The following SORCS3 variants were observed in gnomAD, a reference collection of about 807,000 sequenced individuals.
The protein encoded by SORCS3 is VPS10 domain-containing receptor SorCS3.
SORCS3 carries 57 observed loss-of-function variants against 146.3 expected under a neutral mutation model. That is an observed-to-expected ratio of 0.39 (90% CI 0.31 to 0.49). The LOEUF is 0.49. Ranked by LOEUF, SORCS3 falls within the 20% of genes least tolerant of loss-of-function variation. The pLI is 0.92. For synonymous variants in SORCS3, 653 were observed against 618.5 expected (o/e 1.06, Z -0.83); for missense variants, 1,341 against 1,575.5 (o/e 0.85, Z 2.52).
intron 20 of SORCS3, among the ~76,000 whole-genome samples, chr10:105,237,117 G>A (rs2056797053): frequency 6.6e-6 from 1 of 152,086 alleles, no homozygotes; most frequent in African/African-American, 2.4e-5. Flanking sequence ...AAATACCCAG[G>A]TCCCAAAGGT....
At chr10:104,790,695 T>G (rs17117661) in intron 1 of SORCS3, among the ~76,000 whole-genome samples, 1,898 of 152,324 alleles carry the variant, frequency 0.012, 39 homozygotes, top group African/African-American at 0.043. Flanking sequence ...AGATTGTGAG[T>G]TGGTGATTGA....
At chr10:104,776,683 G>T (rs2017311748) in intron 1 of SORCS3, among the ~76,000 whole-genome samples, 6 of 151,642 alleles carry the variant, frequency 4.0e-5, no homozygotes, top group Admixed American at 6.6e-5. Flanking sequence ...CAGACATACT[G>T]CATGGCCCCC....
chr10:104,993,600 G>A (rs1217807119), intron 4 of SORCS3, among the ~76,000 whole-genome samples: 1 of 151,216 alleles, frequency 6.6e-6, no homozygotes, highest in Non-Finnish European at 1.5e-5. Flanking sequence ...CTGAAAGGTG[G>A]CTGGGAAATT....
chr10:105,090,866 C>T (rs1307132973), intron 6 of SORCS3, among the ~76,000 whole-genome samples: 5 of 152,164 alleles, frequency 3.3e-5, no homozygotes, highest in Non-Finnish European at 5.9e-5. Context: ...TTTGACCTGG[C>T]TGTTGGCATT....
At chr10:104,738,858 A>G (rs1052202675) in intron 1 of SORCS3, among the ~76,000 whole-genome samples, 1 of 152,206 alleles carries the variant, frequency 6.6e-6, no homozygotes, top group African/African-American at 2.4e-5. Flanking sequence ...GACAATATAC[A>G]GATTCCCTGC....
intron 1 of SORCS3, among the ~76,000 whole-genome samples, chr10:104,803,925 C>A (rs2017652943): frequency 6.6e-6 from 1 of 152,156 alleles, no homozygotes. Context: ...CTACTAAAGG[C>A]TGTTTCAAGC....
intron 3 of SORCS3, among the ~76,000 whole-genome samples, chr10:104,935,741 G>T (rs1227202919): frequency 6.6e-6 from 1 of 151,864 alleles, no homozygotes; most frequent in African/African-American, 2.4e-5. Context: ...AGGACTAATG[G>T]TGGGGTGGGT....
chr10:104,925,508 C>T (rs949033421), intron 3 of SORCS3, among the ~76,000 whole-genome samples: 8 of 152,204 alleles, frequency 5.3e-5, no homozygotes, highest in Non-Finnish European at 8.8e-5. Flanking sequence ...GGGCATTGCC[C>T]TGATAGTGTG....
At chr10:105,090,738 C>G (rs926259710) in intron 6 of SORCS3, among the ~76,000 whole-genome samples, 1 of 152,100 alleles carries the variant, frequency 6.6e-6, no homozygotes, top group Non-Finnish European at 1.5e-5. Context: ...GTAACTCCCT[C>G]TGTGACCTGA....
chr10:105,016,249 T>G (rs2055167040), intron 4 of SORCS3, among the ~76,000 whole-genome samples: 1 of 148,400 alleles, frequency 6.7e-6, no homozygotes, highest in Non-Finnish European at 1.5e-5. Flanking sequence ...CCTTCCAGGT[T>G]AAAGCAATTC....
chr10:104,751,438 G>T (rs1191034958), intron 1 of SORCS3, among the ~76,000 whole-genome samples: 1 of 152,202 alleles, frequency 6.6e-6, no homozygotes, highest in Non-Finnish European at 1.5e-5. Flanking sequence ...AGATGGGCCA[G>T]CCTGAAGTCA....
chr10:104,900,854 A>G lies in SORCS3; in HGVS notation c.696-14979A>G, dbSNP rs180743343. ...GGTTGCAGTGAGCTGAGATGGTGCC[A>G]CTGTACTCCAGTGTGGGCGACAGAG... On this transcript the variant is annotated intron_variant, in intron 2 of 26. Transcript: ENST00000369701. Among the ~76,000 whole-genome samples the G allele has an allele frequency of 5.0e-3, 611 of 122,336 alleles. 1 individual carries two copies. Among genetic ancestry groups the G allele is most frequent in the South Asian group, 0.022 (82 of 3,702 alleles). The allele number at this position is 122,336 out of a possible 152,430, so 80.3% of individuals were successfully genotyped here. A position where few individuals can be genotyped will look rare whatever the true frequency, so the allele number is the denominator to read the frequency against.
chr10:104,995,366 G>T (rs1218465098), intron 4 of SORCS3, among the ~76,000 whole-genome samples: 1 of 151,898 alleles, frequency 6.6e-6, no homozygotes, highest in African/African-American at 2.4e-5. Context: ...CACCATGTTG[G>T]TCAGGCTGGT....
intron 8 of SORCS3, among the ~76,000 whole-genome samples, chr10:105,144,108 G>A (rs2056113902): frequency 6.6e-6 from 1 of 152,010 alleles, no homozygotes; most frequent in Non-Finnish European, 1.5e-5. Flanking sequence ...GCTATTCTTT[G>A]GGCAAAACTT....
chr10:105,119,332 A>G (rs1201982771), intron 7 of SORCS3, among the ~76,000 whole-genome samples: 1 of 152,200 alleles, frequency 6.6e-6, no homozygotes, highest in East Asian at 1.9e-4. Flanking sequence ...GTCCAGGCAG[A>G]GTTGTGCTGC....
In SORCS3 at chr10:105,263,403, T is replaced by C. The variant is rs1214097812; in HGVS notation, c.*29T>C. 2 of 1,604,010 alleles carry C rather than the reference T, an allele frequency of 1.2e-6. No homozygotes were observed. The highest frequency in any genetic ancestry group is 1.3e-5 in the African/African-American group (1 of 74,656). ...CAGCAAGCCACGTGGTCAACCACCT[T>C]TCTGACTTTTTATTTTTGATGATTA... On this transcript the variant is annotated 3_prime_UTR_variant, in exon 27 of 27. Transcript: ENST00000369701.
chr10:105,155,802 A>C (rs548936737), intron 9 of SORCS3, among the ~76,000 whole-genome samples: 2 of 152,240 alleles, frequency 1.3e-5, no homozygotes, highest in East Asian at 3.9e-4. Flanking sequence ...TAGCAATCTA[A>C]TCAATTCCAT....
chr10:105,023,111 T>C (rs1013541770), intron 4 of SORCS3, among the ~76,000 whole-genome samples: 4 of 152,192 alleles, frequency 2.6e-5, no homozygotes, highest in Non-Finnish European at 5.9e-5. Flanking sequence ...TATATGCCAC[T>C]AGTGTAAGCT....
chr10:105,107,283 C>G (rs2055828891), intron 7 of SORCS3, among the ~76,000 whole-genome samples: 1 of 151,542 alleles, frequency 6.6e-6, no homozygotes, highest in Non-Finnish European at 1.5e-5. Flanking sequence ...TTATGGTCCC[C>G]ATTTAAGGCC....
Sources: gnomAD v4.1 joint callset for allele counts (sites outside exome capture counted in the v4.1 genomes callset) on GRCh38, gnomAD v4.1.1 for gene constraint, MANE v1.5 for transcripts, NCBI Gene and HGNC (gene_info 2026-07-23, HGNC 2026-07-21) for gene names.